MAD1L1: variants seen among roughly 807,000 people sequenced by gnomAD.
MAD1L1 encodes mitotic spindle assembly checkpoint protein MAD1.
MAD1L1 carries 95 observed loss-of-function variants against 96.9 expected under a neutral mutation model. The ratio of observed to expected loss-of-function variants is 0.98; its 90% CI spans 0.83 to 1.16. MAD1L1 has a LOEUF of 1.16. Ranked by LOEUF, MAD1L1 falls within the 50% of genes most tolerant of loss-of-function variation. The probability of loss-of-function intolerance (pLI) is 0.00; values close to 1 mark genes in which losing one functional copy is unlikely to be tolerated. For synonymous variants in MAD1L1, 473 were observed against 396.6 expected (o/e 1.19, Z -2.29); for missense variants, 1,007 against 954.4 (o/e 1.06, Z -0.73).
chr7:1,906,527 G>A (rs1787641283), intron 17 of MAD1L1, among the ~76,000 whole-genome samples: 1 of 152,220 alleles, frequency 6.6e-6, no homozygotes. Context: ...CCAGTCTCTG[G>A]CTCCTGTTCT....
intron 18 of MAD1L1, among the ~76,000 whole-genome samples, chr7:1,888,371 T>C (rs548121891): frequency 1.3e-5 from 2 of 151,826 alleles, no homozygotes; most frequent in African/African-American, 4.8e-5. Context: ...CATGCGTGTA[T>C]GTGGCTGCCT....
intron 10 of MAD1L1, among the ~76,000 whole-genome samples, chr7:2,207,092 AAAAG>A (rs947730572): frequency 2.0e-5 from 3 of 152,062 alleles, no homozygotes; most frequent in African/African-American, 7.2e-5. Flanking sequence ...AAAAAAAAAA[AAAAG>A]AAATTTTAGA....
At chr7:1,946,564 GCA>G (rs967681215) in intron 16 of MAD1L1, among the ~76,000 whole-genome samples, 5 of 152,398 alleles carry the variant, frequency 3.3e-5, no homozygotes, top group Admixed American at 1.3e-4. Flanking sequence ...ATGCGATGGT[GCA>G]ATCATTGACT....
chr7:1,842,185 A>T (rs1241593807), intron 18 of MAD1L1, among the ~76,000 whole-genome samples: 1 of 152,214 alleles, frequency 6.6e-6, no homozygotes, highest in Non-Finnish European at 1.5e-5. Flanking sequence ...AACTACTCAC[A>T]AAGGCTTTTA....
At position 1,816,144 on chromosome 7, in the gene MAD1L1, G is replaced by C; in HGVS notation, c.2083C>G (p.Arg695Gly). ...AAGGCAGGGATGCTGTCCTGGCGCC[G>C]CAGGTGCACCTCGATGAGCTCGCCC... ...TVGELIEVHL[R>G]RQDSIPAFLS... Residue 695 changes from arginine to glycine, a missense_variant, in exon 19 of 19, where the codon CGG becomes GGG. Coordinates refer to ENST00000265854, the MANE Select transcript of MAD1L1 (RefSeq NM_001013836.2). The C allele has an allele frequency of 6.2e-7, 1 of 1,613,260 alleles. No individual in the cohort carries two copies. Among genetic ancestry groups the C allele is most frequent in the Non-Finnish European group, 8.5e-7 (1 of 1,179,868 alleles).
chr7:1,965,119 C>G (rs1044503949), intron 15 of MAD1L1, among the ~76,000 whole-genome samples: 1 of 152,236 alleles, frequency 6.6e-6, no homozygotes, highest in Non-Finnish European at 1.5e-5. Flanking sequence ...TCACAGCAGG[C>G]ATTGATGACC....
chr7:1,925,302 G>T (rs1789025878), intron 17 of MAD1L1, among the ~76,000 whole-genome samples: 1 of 152,194 alleles, frequency 6.6e-6, no homozygotes, highest in African/African-American at 2.4e-5. Flanking sequence ...CAGAAAATCA[G>T]GGAGAGACAC....
intron 11 of MAD1L1, among the ~76,000 whole-genome samples, chr7:2,093,474 T>C (rs1439223125): frequency 2.0e-5 from 3 of 152,202 alleles, no homozygotes; most frequent in Non-Finnish European, 4.4e-5. Flanking sequence ...CAGCTTTCCC[T>C]GGGAAGAGGG....
At chr7:1,841,442 T>G (rs1783251657) in intron 18 of MAD1L1, among the ~76,000 whole-genome samples, 2 of 152,194 alleles carry the variant, frequency 1.3e-5, no homozygotes, top group South Asian at 2.1e-4. Flanking sequence ...ATCTAGAAGC[T>G]TCTGTCCTGA....
intron 11 of MAD1L1, among the ~76,000 whole-genome samples, chr7:2,076,451 C>G (rs1393149964): frequency 1.3e-5 from 2 of 152,248 alleles, no homozygotes; most frequent in Admixed American, 1.3e-4. Flanking sequence ...TGCCATCCTG[C>G]ACTCCTCAGC....
intron 17 of MAD1L1, among the ~76,000 whole-genome samples, chr7:1,928,318 C>T (rs1210966076): frequency 2.0e-5 from 3 of 151,728 alleles, no homozygotes; most frequent in Non-Finnish European, 2.9e-5. Flanking sequence ...CCCGACGACC[C>T]GCCGGTCCCT....
chr7:1,886,700 G>C (rs1470107791), intron 18 of MAD1L1, among the ~76,000 whole-genome samples: 3 of 152,276 alleles, frequency 2.0e-5, no homozygotes, highest in Non-Finnish European at 4.4e-5. Flanking sequence ...GCCTGGGCCT[G>C]TGATCTGGGT....
intron 18 of MAD1L1, among the ~76,000 whole-genome samples, chr7:1,889,294 C>T (rs866690571): frequency 7.9e-5 from 12 of 152,252 alleles, no homozygotes; most frequent in African/African-American, 2.7e-4. Context: ...AGACCACCTC[C>T]ATTCAGCAAA....
chr7:1,880,801 G>A (rs1452505026), intron 18 of MAD1L1, among the ~76,000 whole-genome samples: 1 of 152,250 alleles, frequency 6.6e-6, no homozygotes, highest in Non-Finnish European at 1.5e-5. Context: ...TGCTGATGGG[G>A]AGCCTGGGAT....
At position 2,146,865 on chromosome 7, in the gene MAD1L1, G is replaced by A. The variant is rs913043423; in HGVS notation, c.1073+2287C>T. Among the ~76,000 whole-genome samples the A allele has an allele frequency of 3.3e-5, 5 of 152,298 alleles. No homozygotes were observed. The South Asian group carries it at 8.3e-4, about 25-fold the overall frequency. ...TGACCCCGCCACGGCAGGCCGCGAC[G>A]AACACGGTGTCCCGCCACGGAAGAG... On this transcript the variant is annotated intron_variant, in intron 11 of 18. Coordinates refer to ENST00000265854, the MANE Select transcript of MAD1L1 (RefSeq NM_001013836.2). This position sits in a 1 kb window ranked among gnomAD's most constrained non-coding sequence, Gnocchi z 6.2.
chr7:2,052,653 A>C (rs1471001296), intron 12 of MAD1L1, among the ~76,000 whole-genome samples: 1 of 152,192 alleles, frequency 6.6e-6, no homozygotes, highest in African/African-American at 2.4e-5. Flanking sequence ...GGTCATACCT[A>C]TCCTTTTTAA....
At chr7:2,020,169 C>A (rs1362238183) in intron 12 of MAD1L1, among the ~76,000 whole-genome samples, 1 of 152,194 alleles carries the variant, frequency 6.6e-6, no homozygotes, top group Non-Finnish European at 1.5e-5. Context: ...TGCGGCCCTA[C>A]AGTCCCGGGG....
Position 2,119,146 on chromosome 7 carries a change from G to A in MAD1L1, c.1073+30006C>T, listed in dbSNP as rs928922798. On this transcript the variant is annotated intron_variant, in intron 11 of 18. Transcript: ENST00000265854. The surrounding 1 kb of genome is among the most constrained non-coding windows in gnomAD (Gnocchi z 4.6). ...GTGAAGCCGTGTTTCCACAAAGCAAGAAGGTTCAGGCCAGGCAGCCTGGAC... is the reference window on the plus strand; with the variant it reads ...GTGAAGCCGTGTTTCCACAAAGCAAAAAGGTTCAGGCCAGGCAGCCTGGAC... Among the ~76,000 whole-genome samples, 1 of 152,106 alleles carries A rather than the reference G, an allele frequency of 6.6e-6. No individual in the cohort carries two copies. The highest frequency in any genetic ancestry group is 2.4e-5 in the African/African-American group (1 of 41,424).
chr7:2,181,137 C>T (rs1350337901), intron 10 of MAD1L1, among the ~76,000 whole-genome samples: 1 of 152,148 alleles, frequency 6.6e-6, no homozygotes, highest in Non-Finnish European at 1.5e-5. Context: ...GTGGTTTCTC[C>T]TTATAGTTTC....
Sources: allele counts gnomAD v4.1 joint callset (sites outside exome capture counted in the v4.1 genomes callset), GRCh38; gene constraint gnomAD v4.1.1; non-coding constraint Gnocchi (gnomAD v3.1); transcripts MANE v1.5; gene names NCBI Gene and HGNC (gene_info 2026-07-23, HGNC 2026-07-21).